The following DENND4A variants were observed in gnomAD, a reference collection of about 807,000 sequenced individuals.
The protein encoded by DENND4A is C-myc promoter-binding protein.
Under a neutral mutation model 199.3 loss-of-function variants are expected in DENND4A, and 70 were observed. The ratio of observed to expected loss-of-function variants is 0.35; its 90% CI spans 0.29 to 0.43. The LOEUF is 0.43. DENND4A is among the 20% of genes least tolerant of loss of function. The pLI, the probability that DENND4A is intolerant of heterozygous loss-of-function variation, is 1.00. For synonymous variants in DENND4A, 686 were observed against 766.9 expected, an observed-to-expected ratio of 0.89 and a Z score of 1.74; for missense variants, 1,723 against 2,255.8, an observed-to-expected ratio of 0.76 and a Z score of 4.78.
intron 1 of DENND4A, chr15:65,767,209 A>G (rs1002937740): frequency 2.6e-5 from 4 of 152,246 alleles, no homozygotes; most frequent in African/African-American, 9.6e-5. Context: ...TTTTAGAGCT[A>G]GGAAGGTCCT....
Position 65,697,252 on chromosome 15 carries a change from T to G in DENND4A, c.2950+15A>C. 1 of 1,457,972 alleles carries G rather than the reference T, an allele frequency of 6.9e-7. No homozygotes were observed. The highest frequency in any genetic ancestry group is 9.5e-7 in the Non-Finnish European group (1 of 1,057,670). 90.3% of individuals were successfully genotyped at this position (1,457,972 alleles called of 1,614,324 possible). On this transcript the variant is annotated intron_variant, in intron 21 of 32. Coordinates refer to ENST00000443035, the MANE Select transcript of DENND4A (RefSeq NM_001320835.1). ...GTTCTCAATTTTATACAATATCAAC[T>G]TAAACAATACCTACAGGAACTACAA...
At chr15:65,743,043 T>G (rs188665351) in intron 4 of DENND4A, among the ~76,000 whole-genome samples, 30 of 152,286 alleles carry the variant, frequency 2.0e-4, no homozygotes, top group Non-Finnish European at 3.7e-4. Flanking sequence ...TTATTACAAT[T>G]TAACGTGATT....
chr15:65,735,471 C>T (rs893439331), intron 7 of DENND4A, among the ~76,000 whole-genome samples: 4 of 152,186 alleles, frequency 2.6e-5, no homozygotes, highest in African/African-American at 9.7e-5. Context: ...ACTGACAGTG[C>T]AAGAGCATTG....
At chr15:65,746,493 TCTC>T (rs1166657255) in intron 4 of DENND4A, among the ~76,000 whole-genome samples, 1 of 143,856 alleles carries the variant, frequency 7.0e-6, no homozygotes, top group East Asian at 2.2e-4. Context: ...TTAAAGCAAT[TCTC>T]CTGCCTCAGC....
rs1438473936 is a variant in DENND4A, at chr15:65,667,516, C to T, written c.5174G>A (p.Arg1725His). 6 of 1,613,806 alleles carry T rather than the reference C, an allele frequency of 3.7e-6. No individual in the cohort carries two copies. In the African/African-American group the frequency reaches 5.3e-5, roughly 14 times the overall value. Residue 1725 changes from arginine (R) to histidine (H), a missense_variant, in exon 29 of 33, where the codon CGT (arginine) becomes CAT (histidine). By Grantham distance (29) the Arg-to-His change is conservative (BLOSUM62 0). Transcript: ENST00000443035. ...AGGTAAGTTACTGGGCAAGTCAAGACGTCTGAAATACCATACCAGGTTCCA... is the reference window on the plus strand; with the variant it reads ...AGGTAAGTTACTGGGCAAGTCAAGATGTCTGAAATACCATACCAGGTTCCA... ...VFWNLVWYFRRLDLPSNLPGL... is the reference protein window; with the variant it reads ...VFWNLVWYFRHLDLPSNLPGL...
intron 32 of DENND4A, among the ~76,000 whole-genome samples, chr15:65,663,455 C>T (rs1294901717): frequency 2.0e-5 from 3 of 152,012 alleles, no homozygotes; most frequent in African/African-American, 7.2e-5. Context: ...ATGATCTGCC[C>T]GCCTTGGCCT....
intron 4 of DENND4A, among the ~76,000 whole-genome samples, chr15:65,743,857 G>A (rs139319137): frequency 2.0e-3 from 298 of 152,264 alleles, no homozygotes; most frequent in Non-Finnish European, 3.3e-3. Flanking sequence ...AAATACTGAT[G>A]GGAGATAAGG....
rs2075043065 is a variant in DENND4A, at chr15:65,706,192, A to C, written c.1986T>G (p.Leu662=). 2 of 1,596,140 alleles carry C rather than the reference A, an allele frequency of 1.3e-6. No individual in the cohort carries two copies. Among genetic ancestry groups the C allele is most frequent in the Non-Finnish European group, 1.7e-6 (2 of 1,170,864 alleles). ...VDMDKSGEVR[L]IELDESFKSE... ...TTTTGAAAGATTCATCCAGTTCTATAAGTCGTACTTCACCGCTCTTGTCCA... is the reference window on the plus strand; with the variant it reads ...TTTTGAAAGATTCATCCAGTTCTATCAGTCGTACTTCACCGCTCTTGTCCA... Residue 662 remains leucine (L), a synonymous_variant, in exon 15 of 33, where the codon CTT becomes CTG. Coordinates refer to ENST00000443035, the MANE Select transcript of DENND4A (RefSeq NM_001320835.1).
intron 3 of DENND4A, among the ~76,000 whole-genome samples, chr15:65,753,352 C>CTATA (rs1229468949): frequency 1.3e-5 from 2 of 151,922 alleles, no homozygotes; most frequent in Admixed American, 1.3e-4. Flanking sequence ...ATAAAATAAG[C>CTATA]TATATATGGT....
At chr15:65,778,925 C>A (rs1421821538) in intron 1 of DENND4A, among the ~76,000 whole-genome samples, 1 of 148,862 alleles carries the variant, frequency 6.7e-6, no homozygotes, top group Non-Finnish European at 1.5e-5. Flanking sequence ...ATGTTGCTTT[C>A]AGCTCAGAGG....
In DENND4A at chr15:65,693,109, C is replaced by T. The variant is rs148539917; in HGVS notation, c.3083-1598G>A. ...GCCTGATCCTAAGTTTACACACATG[C>T]TAAATTACACATGCTAGGCTGGATG... On this transcript the variant is annotated intron_variant, in intron 22 of 32. Coordinates refer to ENST00000443035, the MANE Select transcript of DENND4A (RefSeq NM_001320835.1). Among the ~76,000 whole-genome samples, 878 of 152,256 alleles carry T rather than the reference C, an allele frequency of 5.8e-3. 7 individuals carry two copies. Among genetic ancestry groups the T allele is most frequent in the Non-Finnish European group, 8.2e-3 (557 of 68,008 alleles).
intron 1 of DENND4A, among the ~76,000 whole-genome samples, chr15:65,769,105 A>G (rs2077059844): frequency 1.3e-5 from 2 of 151,708 alleles, no homozygotes; most frequent in South Asian, 4.2e-4. Flanking sequence ...ATGATTACAA[A>G]GTCGGATATA....
intron 4 of DENND4A, among the ~76,000 whole-genome samples, chr15:65,746,296 A>T (rs1014560584): frequency 6.6e-5 from 10 of 151,194 alleles, no homozygotes; most frequent in African/African-American, 2.4e-4. Flanking sequence ...CGTACTTTCA[A>T]ATTCTTCCTC....
chr15:65,722,037 C>T lies in DENND4A; in HGVS notation c.1588+811G>A, dbSNP rs188952473. 2.6e-5 allele frequency among the ~76,000 whole-genome samples: 4 copies of T among 152,174 alleles called. No individual in the cohort carries two copies. In the South Asian group the frequency reaches 6.2e-4, roughly 24 times the overall value. On this transcript the variant is annotated intron_variant, in intron 12 of 32. Coordinates refer to ENST00000443035, the MANE Select transcript of DENND4A (RefSeq NM_001320835.1). ...CGATTTTCAAACTTTAAGATAGGCA[C>T]ACAGAAAAATAAAAAACATTTTTAA... is the stretch of plus-strand genomic sequence containing the variant.
intron 22 of DENND4A, among the ~76,000 whole-genome samples, chr15:65,694,587 A>G (rs1299921571): frequency 6.6e-6 from 1 of 152,244 alleles, no homozygotes; most frequent in Non-Finnish European, 1.5e-5. Flanking sequence ...AAGGGTGTTC[A>G]ATGATATAAA....
chr15:65,745,388 T>C (rs1596581851), intron 4 of DENND4A, among the ~76,000 whole-genome samples: 1 of 152,316 alleles, frequency 6.6e-6, no homozygotes, highest in African/African-American at 2.4e-5. Flanking sequence ...TATAGTTTAA[T>C]GAATTATGTT....
At chr15:65,779,454 A>G (rs562189206) in intron 1 of DENND4A, among the ~76,000 whole-genome samples, 143 of 151,940 alleles carry the variant, frequency 9.4e-4, no homozygotes, top group African/African-American at 3.3e-3. Flanking sequence ...TCTCAAAAAA[A>G]AAAAAAAAAG....
intron 3 of DENND4A, among the ~76,000 whole-genome samples, chr15:65,754,557 A>G (rs1256025555): frequency 6.6e-6 from 1 of 152,218 alleles, no homozygotes; most frequent in African/African-American, 2.4e-5. Context: ...TATATTAAGA[A>G]CTCTTATAGC....
intron 4 of DENND4A, among the ~76,000 whole-genome samples, chr15:65,746,278 A>G (rs2076387854): frequency 6.6e-6 from 1 of 151,750 alleles, no homozygotes; most frequent in Non-Finnish European, 1.5e-5. Context: ...GGTTTGCCAC[A>G]GCAAAAACGT....
Sources: allele counts gnomAD v4.1 joint callset (sites outside exome capture counted in the v4.1 genomes callset), GRCh38; gene constraint gnomAD v4.1.1; transcripts MANE v1.5; gene names NCBI Gene and HGNC (gene_info 2026-07-23, HGNC 2026-07-21).